The following UBN2 variants were observed in gnomAD, a reference collection of about 807,000 sequenced individuals.
UBN2 encodes ubinuclein-2.
UBN2 carries 35 observed loss-of-function variants against 120.2 expected under a neutral mutation model. The observed-to-expected ratio is 0.29, with a 90% CI of 0.22 to 0.39. The LOEUF is 0.39. UBN2 is among the 10% of genes least tolerant of loss of function. The pLI is 1.00. For synonymous variants in UBN2, 661 were observed against 648.7 expected (o/e 1.02, Z -0.29); for missense variants, 1,693 against 1,663.2 (o/e 1.02, Z -0.31).
intron 2 of UBN2, among the ~76,000 whole-genome samples, chr7:139,242,357 C>G (rs1174837001): frequency 6.6e-6 from 1 of 152,130 alleles, no homozygotes; most frequent in Non-Finnish European, 1.5e-5. Context: ...GCTGGTTAAC[C>G]TGTTTGTTTT....
chr7:139,266,309 T>C lies in UBN2; in HGVS notation c.1396-24T>C, dbSNP rs762651549. The C allele has an allele frequency of 2.0e-6, 3 of 1,495,026 alleles. No homozygotes were observed. The East Asian group carries it at 6.8e-5, about 34-fold the overall frequency. The allele number at this position is 1,495,026 out of a possible 1,614,324, so 92.6% of individuals were successfully genotyped here. A position where few individuals can be genotyped will look rare whatever the true frequency, so the allele number is the denominator to read the frequency against. ...TAGAGTAATGGCCTATTTTGATTTA[T>C]TATCATCTTTCTTGTTTCTTTAGGC... On this transcript the variant is annotated intron_variant, in intron 6 of 17. Coordinates refer to ENST00000473989, the MANE Select transcript of UBN2 (RefSeq NM_173569.4).
chr7:139,236,197 C>T (rs963566378), intron 1 of UBN2, among the ~76,000 whole-genome samples: 1 of 152,178 alleles, frequency 6.6e-6, no homozygotes, highest in Admixed American at 6.5e-5. Context: ...ATGTGAGCTT[C>T]TAGCTCTGTG....
the UBN2 span, among the ~76,000 whole-genome samples, chr7:139,326,033 G>T: frequency 2.2e-4 from 33 of 147,164 alleles, no homozygotes; most frequent in Middle Eastern, 3.5e-3. Flanking sequence ...TCTACTAAAA[G>T]TACAAAAATT....
chr7:139,284,152 C>A lies in UBN2; in HGVS notation c.3247C>A (p.Pro1083Thr). The A allele has an allele frequency of 6.2e-7, 1 of 1,614,186 alleles. No homozygotes were observed. The highest frequency in any genetic ancestry group is 1.1e-5 in the South Asian group (1 of 91,082). The change falls in exon 15 of 18, where the codon CCC (proline) becomes ACC (threonine). Residue 1083 changes from proline (P) to threonine (T), a missense_variant. Pro to Thr is a conservative substitution (Grantham distance 38). Transcript: ENST00000473989. ...TKLISKSNPT[P>T]KPTVSPSSSS... ...ACTTATTTCTAAATCCAACCCAACT[C>A]CCAAGCCTACTGTATCCCCAAGTAG...
chr7:139,318,027 G>A, the UBN2 span, among the ~76,000 whole-genome samples: 1 of 152,106 alleles, frequency 6.6e-6, no homozygotes, highest in Non-Finnish European at 1.5e-5. Context: ...TGTTTCCACT[G>A]GATTCTGTGC....
intron 13 of UBN2, among the ~76,000 whole-genome samples, chr7:139,279,746 A>G (rs1291063198): frequency 6.6e-6 from 1 of 152,200 alleles, no homozygotes; most frequent in African/African-American, 2.4e-5. Flanking sequence ...GGCACTTTCT[A>G]CCCATCACTT....
At chr7:139,285,404 T>C (rs1797754304) in intron 15 of UBN2, among the ~76,000 whole-genome samples, 1 of 152,252 alleles carries the variant, frequency 6.6e-6, no homozygotes, top group African/African-American at 2.4e-5. Flanking sequence ...AATTTCTTTC[T>C]GTGCTGTCAC....
chr7:139,280,127 C>A (rs147732667), intron 13 of UBN2, among the ~76,000 whole-genome samples: 2 of 152,246 alleles, frequency 1.3e-5, no homozygotes, highest in African/African-American at 4.8e-5. Flanking sequence ...TCTTCAGAGG[C>A]CTCAAAGGCA....
At chr7:139,234,276 G>A (rs1796105778) in intron 1 of UBN2, among the ~76,000 whole-genome samples, 1 of 151,914 alleles carries the variant, frequency 6.6e-6, no homozygotes, top group African/African-American at 2.4e-5. Context: ...GCTGAAATTG[G>A]TAGATGTGGG....
At chr7:139,264,998 A>G (rs1436185927) in intron 6 of UBN2, among the ~76,000 whole-genome samples, 1 of 152,180 alleles carries the variant, frequency 6.6e-6, no homozygotes, top group African/African-American at 2.4e-5. Context: ...ATCACCTTAA[A>G]TATTTATCTT....
At chr7:139,273,480 A>G (rs1203472640) in intron 10 of UBN2, 70 bp downstream of exon 10, 45 of 1,072,508 alleles carry the variant, frequency 4.2e-5, no homozygotes, top group Non-Finnish European at 5.2e-5. Flanking sequence ...AAAAAAATCT[A>G]TAATAAATAT....
At position 139,284,201 on chromosome 7, in the gene UBN2, C is replaced by T; in HGVS notation, c.3296C>T (p.Ala1099Val). 1 of 1,614,142 alleles carries T rather than the reference C, an allele frequency of 6.2e-7. No individual in the cohort carries two copies. Among genetic ancestry groups the T allele is most frequent in the Non-Finnish European group, 8.5e-7 (1 of 1,180,028 alleles). Residue 1099 changes from alanine to valine, a missense_variant, in exon 15 of 18, where the codon GCC (alanine) becomes GTC (valine). Physicochemically the swap from Ala to Val is moderately conservative, Grantham distance 64. Around this residue, in one of 5 missense-constraint regions of UBN2, gnomAD observed 837 missense variants for 817.6 expected, o/e 1.02. Transcript: ENST00000473989. ...PSSSSPNALV[A>V]QGSHSSTNSP... ...AGTTCCAGTCCAAATGCACTAGTTG[C>T]CCAGGGTAGCCACTCCAGCACTAAC...
At chr7:139,324,844 G>A in the UBN2 span, among the ~76,000 whole-genome samples, 2 of 151,358 alleles carry the variant, frequency 1.3e-5, no homozygotes, top group African/African-American at 4.9e-5. Context: ...AGTGGTGGAC[G>A]CCTGTAATGC....
intron 15 of UBN2, among the ~76,000 whole-genome samples, chr7:139,292,285 A>C (rs1258461424): frequency 6.6e-6 from 1 of 152,148 alleles, no homozygotes; most frequent in Non-Finnish European, 1.5e-5. Context: ...GGCAGGGGGA[A>C]TATATTTAAG....
chr7:139,242,665 T>C (rs1796354608), intron 2 of UBN2, among the ~76,000 whole-genome samples: 1 of 152,240 alleles, frequency 6.6e-6, no homozygotes, highest in Non-Finnish European at 1.5e-5. Context: ...CCCTTTTAAT[T>C]CCTTGGCCTC....
rs553740977 is a variant in UBN2, at chr7:139,297,962, G to C, written c.*126G>C. The C allele has an allele frequency of 9.8e-7, 1 of 1,015,914 alleles. No individual in the cohort carries two copies. The allele number at this position is 1,015,914 out of a possible 1,614,324, so 62.9% of individuals were successfully genotyped here. A position where few individuals can be genotyped will look rare whatever the true frequency, so the allele number is the denominator to read the frequency against. On this transcript the variant is annotated 3_prime_UTR_variant, in exon 18 of 18. Transcript: ENST00000473989. ...TTTACATTCTCTCGTCCCAAGCACT[G>C]TGGTGAGGAGGAAAAAGAAAAGAAA...
At chr7:139,319,342 C>T in the UBN2 span, among the ~76,000 whole-genome samples, 82 of 152,278 alleles carry the variant, frequency 5.4e-4, 1 homozygote, top group African/African-American at 1.9e-3. Flanking sequence ...CTGGGCTTCC[C>T]GAAGTGCTGG....
At chr7:139,294,134 CT>C (rs1798042845) in intron 17 of UBN2, among the ~76,000 whole-genome samples, 153 bp downstream of exon 17, 1 of 152,148 alleles carries the variant, frequency 6.6e-6, no homozygotes, top group Non-Finnish European at 1.5e-5. Flanking sequence ...CAACAGATTC[CT>C]TTTAAGAGGA....
chr7:139,303,879 A>G lies in UBN2; in HGVS notation c.*6043A>G, dbSNP rs564849518. 1.3e-5 allele frequency: 2 copies of G among 152,300 alleles called. No individual in the cohort carries two copies. The highest frequency in any genetic ancestry group is 1.9e-4 in the East Asian group (1 of 5,190). 9.4% of individuals were successfully genotyped at this position (152,300 alleles called of 1,614,324 possible). A position where few individuals can be genotyped will look rare whatever the true frequency, so the allele number is the denominator to read the frequency against. ...GAGAGAAATAACACTAAGTTTAAGTAGTTTTTTTTAGCCTTTTACGGTGTT... is the reference window on the plus strand; with the variant it reads ...GAGAGAAATAACACTAAGTTTAAGTGGTTTTTTTTAGCCTTTTACGGTGTT... On this transcript the variant is annotated 3_prime_UTR_variant, in exon 18 of 18. Coordinates refer to ENST00000473989, the MANE Select transcript of UBN2 (RefSeq NM_173569.4).
Sources: allele counts gnomAD v4.1 joint callset (sites outside exome capture counted in the v4.1 genomes callset), GRCh38; gene constraint gnomAD v4.1.1; regional missense constraint gnomAD v4.1.1; transcripts MANE v1.5; gene names NCBI Gene and HGNC (gene_info 2026-07-23, HGNC 2026-07-21).